TYW1: variants seen among roughly 807,000 people sequenced by gnomAD.
TYW1 encodes the protein tRNA-yW synthesizing protein 1 homolog, also known as S-adenosyl-L-methionine-dependent tRNA 4-demethylwyosine synthase TYW1.
A neutral mutation model predicts 96.2 loss-of-function variants in TYW1; 46 were observed. The observed-to-expected ratio is 0.48, with a 90% CI of 0.38 to 0.61. The LOEUF (loss-of-function observed/expected upper bound fraction) is 0.61. Among genes scored for constraint, TYW1 ranks in the 20% least tolerant of loss-of-function variants. The pLI is 0.00. For missense variants in TYW1, 684 were observed against 909.6 expected (o/e 0.75, Z 3.19); for synonymous variants, 274 against 323.0 (o/e 0.85, Z 1.63).
At chr7:67,209,060 T>C (rs570687078) in intron 15 of TYW1, among the ~76,000 whole-genome samples, 93 of 152,302 alleles carry the variant, frequency 6.1e-4, no homozygotes, top group African/African-American at 1.5e-3. Context: ...GGCTACTTAG[T>C]GGCTAGGATA....
chr7:67,218,385 G>A lies in TYW1; in HGVS notation c.1978-19923G>A, dbSNP rs147583690. On this transcript the variant is annotated intron_variant, in intron 15 of 15. Coordinates refer to ENST00000359626, the MANE Select transcript of TYW1 (RefSeq NM_018264.4). Reference sequence around the variant, plus strand: ...TTTTTTTTTTTTGAGATGGAGTCTCGCCCTGTTGCTCAGGCTCTAGTGCAG... The same window carrying A: ...TTTTTTTTTTTTGAGATGGAGTCTCACCCTGTTGCTCAGGCTCTAGTGCAG... Among the ~76,000 whole-genome samples, 332 of 148,048 alleles carry A rather than the reference G, an allele frequency of 2.2e-3. 8 individuals carry two copies. The East Asian group carries it at 0.059, about 26-fold the overall frequency.
Position 66,996,900 on chromosome 7 carries a change from C to G in TYW1, c.-79C>G, listed in dbSNP as rs369407381. 6.5e-5 allele frequency: 105 copies of G among 1,608,070 alleles called. No individual in the cohort carries two copies. In the East Asian group the frequency reaches 1.3e-3, roughly 20 times the overall value. ...ACGCCGCTAACGCGGCGAGGTAGCT[C>G]GGTGCGTCTCGCGGTACCAGTGCGA... On this transcript the variant is annotated 5_prime_UTR_variant, in exon 1 of 16. Coordinates refer to ENST00000359626, the MANE Select transcript of TYW1 (RefSeq NM_018264.4).
At chr7:67,185,987 G>A (rs1429111544) in intron 14 of TYW1, among the ~76,000 whole-genome samples, 2 of 144,412 alleles carry the variant, frequency 1.4e-5, no homozygotes, top group Non-Finnish European at 3.0e-5. Flanking sequence ...GTCTGAGTAC[G>A]TAACATTTTA....
At chr7:67,067,175 G>A in intron 9 of TYW1, 110 bp from the exon 10 acceptor site, 1 of 1,222,356 alleles carries the variant, frequency 8.2e-7, no homozygotes, top group Non-Finnish European at 1.2e-6. Context: ...TTACCAGTAG[G>A]AGTATTCATG....
intron 8 of TYW1, among the ~76,000 whole-genome samples, chr7:67,050,853 G>A (rs764931427): frequency 6.6e-5 from 10 of 151,148 alleles, no homozygotes; most frequent in Non-Finnish European, 1.5e-4. Context: ...TTGCTTACTA[G>A]CAATAACATT....
rs962516232 is a variant in TYW1, at chr7:67,044,409, TATTGA to T, written c.985-5538_985-5534del. On this transcript the variant is annotated intron_variant, in intron 7 of 15. Transcript: ENST00000359626. ...CACCACGTCCGACCTGAGTTTTTAA[TATTGA>T]AAGTTACCAGGCTTAGAATTAGTTA... 6.3e-4 allele frequency among the ~76,000 whole-genome samples: 96 copies of T among 152,140 alleles called. 1 individual carries two copies. The highest frequency in any genetic ancestry group is 6.8e-3 in the Middle Eastern group (2 of 294).
intron 13 of TYW1, among the ~76,000 whole-genome samples, chr7:67,146,281 C>T (rs1442905625): frequency 6.6e-6 from 1 of 151,960 alleles, no homozygotes; most frequent in Non-Finnish European, 1.5e-5. Flanking sequence ...TTTTATGATG[C>T]CTTCTTATGT....
intron 13 of TYW1, among the ~76,000 whole-genome samples, chr7:67,160,898 T>G (rs1474414431): frequency 6.6e-6 from 1 of 152,064 alleles, no homozygotes; most frequent in African/African-American, 2.4e-5. Context: ...GGCCTCTCTA[T>G]TTCTTTTTTA....
In TYW1 at chr7:67,098,528, C is replaced by G. The variant is rs1796988610; in HGVS notation, c.1385-13C>G. On this transcript the variant is annotated splice_polypyrimidine_tract_variant and intron_variant, in intron 11 of 15. Transcript: ENST00000359626. Reference sequence around the variant, plus strand: ...GCCTTATGTAGCTGGGTCCTTCTCACTGTATTCTCCAGGAGTACCGGGCGT... The same window carrying G: ...GCCTTATGTAGCTGGGTCCTTCTCAGTGTATTCTCCAGGAGTACCGGGCGT... 1 of 1,553,012 alleles carries G rather than the reference C, an allele frequency of 6.4e-7. No individual in the cohort carries two copies. Among genetic ancestry groups the G allele is most frequent in the Admixed American group, 2.0e-5 (1 of 50,516 alleles).
rs1798760912 is a variant in TYW1, at chr7:67,150,489, GA to G, written c.1699-32635del. ...CTGTGTGATAGGGGAAGTCAAGTTTGAAGAATTAAGCTCTTTAAAGCAAAAT... is the reference window on the plus strand; with the variant it reads ...CTGTGTGATAGGGGAAGTCAAGTTTGAGAATTAAGCTCTTTAAAGCAAAAT... On this transcript the variant is annotated intron_variant, in intron 13 of 15. Coordinates refer to ENST00000359626, the MANE Select transcript of TYW1 (RefSeq NM_018264.4). 2.0e-5 allele frequency among the ~76,000 whole-genome samples: 3 copies of G among 152,336 alleles called. No homozygotes were observed. In the South Asian group the frequency reaches 6.2e-4, roughly 32 times the overall value.
intron 13 of TYW1, among the ~76,000 whole-genome samples, chr7:67,143,837 C>G (rs1398414743): frequency 6.6e-6 from 1 of 152,166 alleles, no homozygotes; most frequent in African/African-American, 2.4e-5. Context: ...TAAAAACATT[C>G]AAGTAATCAT....
intron 12 of TYW1, among the ~76,000 whole-genome samples, chr7:67,115,277 A>T (rs529065106): frequency 6.6e-6 from 1 of 151,318 alleles, no homozygotes; most frequent in African/African-American, 2.4e-5. Context: ...AGTCCAGTTA[A>T]GGAAGCATAG....
At position 66,998,777 on chromosome 7, in the gene TYW1, T is replaced by C. The variant is rs781052899; in HGVS notation, c.136-40T>C. ...CATCCCTGCTGAAGTTGGGAAACGA[T>C]TTAGACTTGATGGATTTTGTGTAAT... On this transcript the variant is annotated intron_variant, in intron 2 of 15. Transcript: ENST00000359626. 1.1e-5 allele frequency: 18 copies of C among 1,610,492 alleles called. No homozygotes were observed. The Admixed American group carries it at 2.9e-4, about 26-fold the overall frequency.
At chr7:67,064,457 T>C (rs1310877770) in intron 9 of TYW1, among the ~76,000 whole-genome samples, 1 of 152,204 alleles carries the variant, frequency 6.6e-6, no homozygotes, top group East Asian at 1.9e-4. Context: ...TCCGTTTTCA[T>C]GCTGCTGATA....
chr7:67,185,207 G>A (rs1292092274), intron 14 of TYW1, among the ~76,000 whole-genome samples: 6 of 151,828 alleles, frequency 4.0e-5, no homozygotes, highest in South Asian at 2.1e-4. Flanking sequence ...TAAGGGGATT[G>A]GATTTTAAAC....
intron 7 of TYW1, among the ~76,000 whole-genome samples, chr7:67,032,217 T>A (rs1794692218): frequency 6.6e-6 from 1 of 152,224 alleles, no homozygotes; most frequent in Non-Finnish European, 1.5e-5. Context: ...ATTTTTATTT[T>A]ATTTTTTTTG....
At chr7:67,006,269 C>T (rs551407516) in intron 3 of TYW1, among the ~76,000 whole-genome samples, 12 of 152,140 alleles carry the variant, frequency 7.9e-5, no homozygotes, top group Non-Finnish European at 1.3e-4. Flanking sequence ...CTCTCTTGTT[C>T]CTGCCATGTC....
chr7:67,228,938 G>T (rs1301816111), intron 15 of TYW1, among the ~76,000 whole-genome samples: 1 of 152,232 alleles, frequency 6.6e-6, no homozygotes, highest in African/African-American at 2.4e-5. Context: ...TTCTTCATCT[G>T]CAACCTCTTG....
At chr7:67,178,875 C>T (rs1348812831) in intron 13 of TYW1, among the ~76,000 whole-genome samples, 1 of 136,118 alleles carries the variant, frequency 7.3e-6, no homozygotes, top group Admixed American at 7.3e-5. Flanking sequence ...GTACATTTCT[C>T]TTTGTGTTTC....
Sources: allele counts gnomAD v4.1 joint callset (sites outside exome capture counted in the v4.1 genomes callset), GRCh38; gene constraint gnomAD v4.1.1; transcripts MANE v1.5; gene names NCBI Gene and HGNC (gene_info 2026-07-23, HGNC 2026-07-21).